Variants in B3GLCT observed in about 807,000 individuals in gnomAD.
B3GLCT encodes the protein beta-1,3-glucosyltransferase.
In B3GLCT, 65 loss-of-function variants were observed where a neutral mutation model predicts 63.4. That is an observed-to-expected ratio of 1.03 (90% confidence interval 0.84 to 1.26). B3GLCT has a LOEUF of 1.26. Among genes scored for constraint, B3GLCT ranks in the 50% most tolerant of loss-of-function variants. The probability of loss-of-function intolerance (pLI) is 0.00; values close to 1 mark genes in which losing one functional copy is unlikely to be tolerated. For synonymous variants in B3GLCT, 233 were observed against 219.2 expected (o/e 1.06, Z -0.55); for missense variants, 577 against 604.8 (o/e 0.95, Z 0.48).
At position 31,240,828 on chromosome 13, in the gene B3GLCT, G is replaced by T. The variant is rs543113103; in HGVS notation, c.271-6195G>T. On this transcript the variant is annotated intron_variant, in intron 4 of 14. Coordinates refer to ENST00000343307, the MANE Select transcript of B3GLCT (RefSeq NM_194318.4). The stretch of plus-strand genomic sequence containing the variant: ...TATTTATTAAATTCGAGACTTTATT[G>T]CATTGCTGTTGAATGCAAATTTATC... 1.5e-4 allele frequency among the ~76,000 whole-genome samples: 23 copies of T among 152,176 alleles called. No individual in the cohort carries two copies. The South Asian group carries it at 4.2e-3, about 28-fold the overall frequency.
intron 1 of B3GLCT, among the ~76,000 whole-genome samples, chr13:31,205,903 G>C (rs778417830): frequency 8.5e-5 from 13 of 152,250 alleles, no homozygotes; most frequent in South Asian, 6.2e-4. Context: ...AATAAGAGTT[G>C]AATGTATCTT....
At chr13:31,244,425 G>C (rs1246896949) in intron 4 of B3GLCT, among the ~76,000 whole-genome samples, 1 of 152,180 alleles carries the variant, frequency 6.6e-6, no homozygotes, top group Admixed American at 6.5e-5. Flanking sequence ...CTGGGAGGCA[G>C]AGGTTGCAGT....
At chr13:31,205,647 C>G (rs1868912593) in intron 1 of B3GLCT, among the ~76,000 whole-genome samples, 1 of 152,124 alleles carries the variant, frequency 6.6e-6, no homozygotes. Flanking sequence ...CCTTAGCCTC[C>G]CAAGCAACTG....
intron 13 of B3GLCT, among the ~76,000 whole-genome samples, chr13:31,322,623 TTAATG>T: frequency 6.6e-6 from 1 of 152,158 alleles, no homozygotes; most frequent in East Asian, 1.9e-4. Context: ...ATGCAAATAA[TTAATG>T]TAAGACTGTG....
At chr13:31,202,167 G>T (rs1340939232) in intron 1 of B3GLCT, among the ~76,000 whole-genome samples, 1 of 152,180 alleles carries the variant, frequency 6.6e-6, no homozygotes, top group African/African-American at 2.4e-5. Flanking sequence ...TCCCATATAA[G>T]ATTGGCCTGA....
chr13:31,266,927 T>G (rs561209753), intron 7 of B3GLCT, among the ~76,000 whole-genome samples: 6 of 152,230 alleles, frequency 3.9e-5, no homozygotes, highest in African/African-American at 1.4e-4. Flanking sequence ...TGCACCACCA[T>G]GCTTGACTAA....
chr13:31,236,259 T>A, intron 4 of B3GLCT, among the ~76,000 whole-genome samples: 1 of 152,256 alleles, frequency 6.6e-6, no homozygotes, highest in Non-Finnish European at 1.5e-5. Flanking sequence ...AGGAAATAGC[T>A]ACATTTCTTT....
At chr13:31,271,896 T>C (rs1872587904) in intron 8 of B3GLCT, among the ~76,000 whole-genome samples, 1 of 152,232 alleles carries the variant, frequency 6.6e-6, no homozygotes, top group South Asian at 2.1e-4. Context: ...AATTGTTACA[T>C]CCTCTTAGTG....
chr13:31,298,891 A>G (rs555591953), intron 12 of B3GLCT, among the ~76,000 whole-genome samples: 1 of 152,348 alleles, frequency 6.6e-6, no homozygotes, highest in Non-Finnish European at 1.5e-5. Context: ...AGGAATTTTG[A>G]CATAAGCTTT....
chr13:31,308,362 A>AAAAAAAAAAAAAAC (rs61561180), intron 12 of B3GLCT, among the ~76,000 whole-genome samples: 2,591 of 60,826 alleles, frequency 0.043, 217 homozygotes, highest in Non-Finnish European at 0.067. Flanking sequence ...AAAAAAAAAC[A>AAAAAAAAAAAAAAC]AAAAAAAAAG....
chr13:31,210,270 AT>A (rs1869187489), intron 1 of B3GLCT, among the ~76,000 whole-genome samples: 1 of 152,206 alleles, frequency 6.6e-6, no homozygotes, highest in African/African-American at 2.4e-5. Flanking sequence ...AAAAGGGGAA[AT>A]TACTTTTAAA....
At chr13:31,212,267 C>CTTTTTT in intron 1 of B3GLCT, among the ~76,000 whole-genome samples, 1 of 91,638 alleles carries the variant, frequency 1.1e-5, no homozygotes, top group South Asian at 4.1e-4. Flanking sequence ...GCATAACTGG[C>CTTTTTT]TTTTTTTTTT....
At chr13:31,223,415 C>T (rs1334042602) in intron 3 of B3GLCT, among the ~76,000 whole-genome samples, 1 of 152,164 alleles carries the variant, frequency 6.6e-6, no homozygotes, top group Non-Finnish European at 1.5e-5. Flanking sequence ...CACTTGCTGA[C>T]CTGCAGACAC....
At chr13:31,317,884 A>T (rs1593318728) in intron 13 of B3GLCT, among the ~76,000 whole-genome samples, 199 bp downstream of exon 13, 1 of 152,098 alleles carries the variant, frequency 6.6e-6, no homozygotes, top group African/African-American at 2.4e-5. Context: ...GCCCTTGAAG[A>T]AATGATATAA....
chr13:31,288,811 T>G (rs1469972979), intron 12 of B3GLCT, among the ~76,000 whole-genome samples: 1 of 151,912 alleles, frequency 6.6e-6, no homozygotes, highest in Non-Finnish European at 1.5e-5. Context: ...CAGATATCAA[T>G]GGAAGGAAAC....
At chr13:31,215,575 G>A (rs181466339) in intron 2 of B3GLCT, among the ~76,000 whole-genome samples, 5 of 152,144 alleles carry the variant, frequency 3.3e-5, no homozygotes, top group South Asian at 4.2e-4. Context: ...CACCATGCCC[G>A]GCTAATTTTT....
At chr13:31,211,515 G>A (rs1398111556) in intron 1 of B3GLCT, among the ~76,000 whole-genome samples, 1 of 151,520 alleles carries the variant, frequency 6.6e-6, no homozygotes, top group Admixed American at 6.6e-5. Flanking sequence ...ATTATAATTT[G>A]TATCTATCAT....
chr13:31,210,788 A>T (rs1008794575), intron 1 of B3GLCT, among the ~76,000 whole-genome samples: 3 of 152,156 alleles, frequency 2.0e-5, no homozygotes, highest in Non-Finnish European at 4.4e-5. Context: ...TCTGTCACCC[A>T]GGCTGGAGTG....
chr13:31,213,042 G>A (rs113444971), intron 1 of B3GLCT, among the ~76,000 whole-genome samples: 4,235 of 150,596 alleles, frequency 0.028, 205 homozygotes, highest in African/African-American at 0.1. Flanking sequence ...GTGTGCACGC[G>A]TGCGCGTGTG....
Sources: allele counts gnomAD v4.1 joint callset (sites outside exome capture counted in the v4.1 genomes callset), GRCh38; gene constraint gnomAD v4.1.1; transcripts MANE v1.5; gene names NCBI Gene and HGNC (gene_info 2026-07-23, HGNC 2026-07-21).